Variants in PPP1R1A observed in about 807,000 individuals in gnomAD.
PPP1R1A encodes protein phosphatase 1 regulatory inhibitor subunit 1A, also known as protein phosphatase 1 regulatory subunit 1A.
A neutral mutation model predicts 23.9 loss-of-function variants in PPP1R1A; 18 were observed. The observed-to-expected ratio is 0.75, with a 90% CI of 0.52 to 1.12. The LOEUF (loss-of-function observed/expected upper bound fraction) is 1.12, where lower values mean the gene tolerates loss of function less well. Ranked by LOEUF, PPP1R1A falls within the 50% of genes most tolerant of loss-of-function variation. PPP1R1A has a pLI of 0.00. For synonymous variants in PPP1R1A, 84 were observed against 80.7 expected (o/e 1.04, Z -0.22); for missense variants, 207 against 223.8 (o/e 0.92, Z 0.48).
At chr12:54,584,792 C>T (rs1957892865) in intron 1 of PPP1R1A, among the ~76,000 whole-genome samples, 1 of 152,062 alleles carries the variant, frequency 6.6e-6, no homozygotes, top group Admixed American at 6.5e-5. Context: ...CTGGGCTCCT[C>T]CCCCTCCCCT....
intron 1 of PPP1R1A, among the ~76,000 whole-genome samples, chr12:54,584,900 C>G (rs1384514086): frequency 6.6e-6 from 1 of 152,142 alleles, no homozygotes; most frequent in Non-Finnish European, 1.5e-5. Context: ...GTCCTGGCCC[C>G]AGCTCTCCAT....
chr12:54,580,302 C>T lies in PPP1R1A; in HGVS notation c.*85G>A, dbSNP rs1957842507. On this transcript the variant is annotated 3_prime_UTR_variant, in exon 7 of 7. Coordinates refer to ENST00000257905, the MANE Select transcript of PPP1R1A (RefSeq NM_006741.4). Reference sequence around the variant, plus strand: ...TCACTTTTTAAAAACAAGAGATTTTCCCCAAAAGTGAAGGAATAAGAAACA... The same window carrying T: ...TCACTTTTTAAAAACAAGAGATTTTTCCCAAAAGTGAAGGAATAAGAAACA... The T allele has an allele frequency of 3.1e-6, 5 of 1,590,564 alleles. No homozygotes were observed. The highest frequency in any genetic ancestry group is 1.3e-5 in the African/African-American group (1 of 74,150).
At position 54,588,632 on chromosome 12, in the gene PPP1R1A, G is replaced by T; in HGVS notation, c.-144C>A. The T allele has an allele frequency of 3.5e-6, 1 of 287,864 alleles. No individual in the cohort carries two copies. The highest frequency in any genetic ancestry group is 5.9e-6 in the Non-Finnish European group (1 of 168,490). 17.8% of individuals were successfully genotyped at this position (287,864 alleles called of 1,614,324 possible). On this transcript the variant is annotated 5_prime_UTR_variant, in exon 1 of 7. Transcript: ENST00000257905. ...CTCGGCTCCCGGCTCCCGGCACAGCGCTCCCAGCTCGCGGCTCCGGGGACT... is the reference window on the plus strand; with the variant it reads ...CTCGGCTCCCGGCTCCCGGCACAGCTCTCCCAGCTCGCGGCTCCGGGGACT...
chr12:54,580,687 T>C (rs1143960), intron 6 of PPP1R1A, among the ~76,000 whole-genome samples: 114,153 of 152,180 alleles, frequency 0.75, 42,874 homozygotes, highest in East Asian at 0.83. Context: ...AAAAAATCCA[T>C]GGCCTACTGC....
intron 1 of PPP1R1A, among the ~76,000 whole-genome samples, chr12:54,585,967 G>A (rs1308970520): frequency 6.6e-5 from 10 of 152,096 alleles, no homozygotes; most frequent in Non-Finnish European, 1.2e-4. Flanking sequence ...ACTGTGAGTC[G>A]TCTCTGGTCA....
At chr12:54,582,676 C>G in intron 4 of PPP1R1A, 56 bp downstream of exon 4, 2 of 1,579,602 alleles carry the variant, frequency 1.3e-6, no homozygotes, top group Non-Finnish European at 1.7e-6. Context: ...GGCATTCGGT[C>G]TCCTCTTCAG....
Position 54,581,904 on chromosome 12 carries a change from G to A in PPP1R1A, c.403+72C>T, listed in dbSNP as rs535094046. On this transcript the variant is annotated intron_variant, in intron 5 of 6. Coordinates refer to ENST00000257905, the MANE Select transcript of PPP1R1A (RefSeq NM_006741.4). This position sits in a 1 kb window ranked among gnomAD's most constrained non-coding sequence, Gnocchi z 4.1. ...CAGGCTCCAACTCTTTCCCCTCCCC[G>A]CAGTGGGTAAGGCTTGCCTCCTGCT... is the stretch of plus-strand genomic sequence containing the variant. 1.0e-5 allele frequency: 15 copies of A among 1,502,340 alleles called. No individual in the cohort carries two copies. Among genetic ancestry groups the A allele is most frequent in the African/African-American group, 5.6e-5 (4 of 71,484 alleles). The allele number at this position is 1,502,340 out of a possible 1,614,324, so 93.1% of individuals were successfully genotyped here.
In PPP1R1A at chr12:54,583,226, G is replaced by A; in HGVS notation, c.168C>T (p.Pro56=). 1 of 1,541,170 alleles carries A rather than the reference G, an allele frequency of 6.5e-7. No homozygotes were observed. Among genetic ancestry groups the A allele is most frequent in the Non-Finnish European group, 8.7e-7 (1 of 1,149,488 alleles). The part of the protein sequence containing the change: ...SSPEIDEDRI[P]NPHLKSTLAM... Reference sequence around the variant, plus strand: ...GCCAGCTCACCTTGAGATGTGGGTTGGGGATCCGGTCTTCATCTATCTCTG... The same window carrying A: ...GCCAGCTCACCTTGAGATGTGGGTTAGGGATCCGGTCTTCATCTATCTCTG... The change falls in exon 3 of 7, where the codon CCC becomes CCT. Residue 56 remains proline, a synonymous_variant. Transcript: ENST00000257905.
chr12:54,582,328 C>A (rs11170980), intron 4 of PPP1R1A, among the ~76,000 whole-genome samples, 197 bp from the exon 5 acceptor site: 1 of 152,038 alleles, frequency 6.6e-6, no homozygotes. Flanking sequence ...ATAAAAAGTA[C>A]TCTTCTTCAC....
intron 1 of PPP1R1A, among the ~76,000 whole-genome samples, chr12:54,585,169 T>C (rs1390746240): frequency 6.6e-6 from 1 of 152,150 alleles, no homozygotes. Context: ...CTCCCTAATG[T>C]CCTCTCTGTC....
intron 1 of PPP1R1A, among the ~76,000 whole-genome samples, chr12:54,588,034 A>C (rs1957927132): frequency 6.6e-6 from 1 of 151,598 alleles, no homozygotes; most frequent in South Asian, 2.1e-4. Context: ...CAGCGCCACC[A>C]CCAAGCTCAG....
Position 54,584,218 on chromosome 12 carries a change from T to C in PPP1R1A, c.145+42A>G, listed in dbSNP as rs192422322. ...ATCTTCTCATTGGGACCTGCTGCCA[T>C]AGTGGCCCCCACGCCCTTCAGCAAC... is the stretch of plus-strand genomic sequence containing the variant. On this transcript the variant is annotated intron_variant, in intron 2 of 6. Coordinates refer to ENST00000257905, the MANE Select transcript of PPP1R1A (RefSeq NM_006741.4). 1.8e-5 allele frequency: 28 copies of C among 1,516,940 alleles called. No individual in the cohort carries two copies. The African/African-American group carries it at 2.5e-4, about 13-fold the overall frequency. 94.0% of individuals were successfully genotyped at this position (1,516,940 alleles called of 1,614,324 possible). A position where few individuals can be genotyped will look rare whatever the true frequency, so the allele number is the denominator to read the frequency against.
At chr12:54,586,334 T>C (rs1482896535) in intron 1 of PPP1R1A, among the ~76,000 whole-genome samples, 2 of 152,212 alleles carry the variant, frequency 1.3e-5, no homozygotes. Context: ...CTGAGGTACC[T>C]CCCAGGCACC....
intron 6 of PPP1R1A, among the ~76,000 whole-genome samples, chr12:54,580,743 C>T (rs1049200300): frequency 3.3e-5 from 5 of 152,244 alleles, no homozygotes; most frequent in African/African-American, 9.6e-5. Context: ...AGTCTAATCT[C>T]AATCCTTCTT....
chr12:54,582,081 C>A lies in PPP1R1A; in HGVS notation c.298G>T (p.Glu100Ter), dbSNP rs750050561. 6.2e-7 allele frequency: 1 copy of A among 1,613,730 alleles called. No homozygotes were observed. Among genetic ancestry groups the A allele is most frequent in the Non-Finnish European group, 8.5e-7 (1 of 1,179,832 alleles). ...HHLGQQQQGE[E>*]PEGAAESTGT... is the part of the protein sequence containing the mutation. ...GTGCTCTCAGCGGCCCCCTCAGGTT[C>A]CTCTCCTTGCTGCTGTTGCCCCAGG... Residue 100 changes from glutamate (E) to a stop codon, truncating the protein, a stop_gained, in exon 5 of 7, where the codon GAA becomes TAA. Coordinates refer to ENST00000257905, the MANE Select transcript of PPP1R1A (RefSeq NM_006741.4). LOFTEE classifies it high-confidence loss of function.
intron 2 of PPP1R1A, among the ~76,000 whole-genome samples, chr12:54,584,000 G>T (rs551232434): frequency 4.6e-5 from 7 of 152,194 alleles, no homozygotes; most frequent in Non-Finnish European, 8.8e-5. Context: ...GGCTGTTGTC[G>T]CAGCAACCAG....
chr12:54,582,235 C>T, intron 4 of PPP1R1A, 104 bp from the exon 5 acceptor site: 2 of 1,259,844 alleles, frequency 1.6e-6, no homozygotes, highest in Non-Finnish European at 2.1e-6. Flanking sequence ...GCACACATTG[C>T]TGGGTGTTTG....
At chr12:54,588,359 C>G (rs1264412945) in intron 1 of PPP1R1A, 46 bp downstream of exon 1, 1 of 1,461,996 alleles carries the variant, frequency 6.8e-7, no homozygotes, top group Admixed American at 2.2e-5. Context: ...AGGGGTCCCT[C>G]GTCCTTGGCT....
At chr12:54,584,851 T>TG (rs1220365425) in intron 1 of PPP1R1A, among the ~76,000 whole-genome samples, 2 of 152,258 alleles carry the variant, frequency 1.3e-5, no homozygotes, top group East Asian at 1.9e-4. Flanking sequence ...CCTCCCTGCA[T>TG]GCCCCCATTC....
Sources: gnomAD v4.1 joint callset for allele counts (sites outside exome capture counted in the v4.1 genomes callset) on GRCh38, gnomAD v4.1.1 for gene constraint, Gnocchi (gnomAD v3.1) non-coding constraint, MANE v1.5 for transcripts, NCBI Gene and HGNC (gene_info 2026-07-23, HGNC 2026-07-21) for gene names.